Variants in UBL3 observed in about 807,000 individuals in gnomAD.
UBL3 encodes the protein ubiquitin like 3, also known as ubiquitin-like protein 3.
UBL3 carries 6 observed loss-of-function variants against 18.4 expected under a neutral mutation model. The observed-to-expected ratio is 0.33, with a 90% confidence interval of 0.18 to 0.64. The LOEUF is 0.64. Among genes scored for constraint, UBL3 ranks in the 30% least tolerant of loss-of-function variants. The pLI is 0.76. For missense variants in UBL3, 109 were observed against 142.9 expected, an observed-to-expected ratio of 0.76 and a Z score of 1.21; for synonymous variants, 49 against 46.6, an observed-to-expected ratio of 1.05 and a Z score of -0.21.
chr13:29,790,607 A>G lies in UBL3; in HGVS notation c.28-13344T>C, dbSNP rs1877456964. Among the ~76,000 whole-genome samples the G allele has an allele frequency of 2.6e-5, 4 of 152,156 alleles. No homozygotes were observed. In the South Asian group the frequency reaches 8.3e-4, roughly 32 times the overall value. ...AGAAAGGGGTTCTGACGTCAGGTAA[A>G]TCTACAAAACACTACTTTATATGTT... On this transcript the variant is annotated intron_variant, in intron 1 of 4. Coordinates refer to ENST00000380680, the MANE Select transcript of UBL3 (RefSeq NM_007106.4).
At chr13:29,836,822 T>TA (rs1462113497) in intron 1 of UBL3, among the ~76,000 whole-genome samples, 1 of 152,218 alleles carries the variant, frequency 6.6e-6, no homozygotes, top group Non-Finnish European at 1.5e-5. Context: ...TGCTGAATTG[T>TA]AAACAGCATG....
chr13:29,826,252 G>A (rs1225254235), intron 1 of UBL3, among the ~76,000 whole-genome samples: 1 of 152,148 alleles, frequency 6.6e-6, no homozygotes, highest in East Asian at 1.9e-4. Context: ...CTATTGATTG[G>A]AATAGTTTCA....
intron 1 of UBL3, among the ~76,000 whole-genome samples, chr13:29,789,950 T>C (rs1877439719): frequency 6.6e-6 from 1 of 152,194 alleles, no homozygotes; most frequent in Non-Finnish European, 1.5e-5. Context: ...GTCTTTAATA[T>C]TAGAATAAAA....
intron 1 of UBL3, among the ~76,000 whole-genome samples, chr13:29,842,799 A>G (rs770900460): frequency 2.0e-5 from 3 of 152,224 alleles, no homozygotes; most frequent in Non-Finnish European, 4.4e-5. Context: ...TCTGCAAAAC[A>G]TAACTAACAG....
Position 29,765,819 on chromosome 13 carries a change from C to T in UBL3, c.*1436G>A, listed in dbSNP as rs1376211497. On this transcript the variant is annotated 3_prime_UTR_variant, in exon 5 of 5. Transcript: ENST00000380680. ...AACAATGAATAAAATAACATGATTA[C>T]ATTTAAACAACGCTGACCATTTGAA... is the stretch of plus-strand genomic sequence containing the variant. 6.6e-6 allele frequency: 1 copy of T among 152,512 alleles called. No homozygotes were observed. The highest frequency in any genetic ancestry group is 1.9e-4 in the East Asian group (1 of 5,196). 9.4% of individuals were successfully genotyped at this position (152,512 alleles called of 1,614,324 possible). A position where few individuals can be genotyped will look rare whatever the true frequency, so the allele number is the denominator to read the frequency against.
rs926223874 is a variant in UBL3, at chr13:29,849,660, C to A, written c.-122G>T. 7.5e-7 allele frequency: 1 copy of A among 1,325,444 alleles called. No homozygotes were observed. The allele number at this position is 1,325,444 out of a possible 1,614,324, so 82.1% of individuals were successfully genotyped here. On this transcript the variant is annotated 5_prime_UTR_variant, in exon 1 of 5. Coordinates refer to ENST00000380680, the MANE Select transcript of UBL3 (RefSeq NM_007106.4). ...CTGGTTCGTGATGTGCTTTCTCCCC[C>A]AAAAATAAAGTTATTTTGGAGCCAA...
At position 29,850,518 on chromosome 13, in the gene UBL3, C is replaced by G. The variant is rs550775715; in HGVS notation, c.-980G>C. ...TCAGAGCTTTGTTTCTCCTCCTCCT[C>G]CTTCACTTTTCAGTCCCACACGCCG... On this transcript the variant is annotated 5_prime_UTR_variant, in exon 1 of 5. Coordinates refer to ENST00000380680, the MANE Select transcript of UBL3 (RefSeq NM_007106.4). The G allele has an allele frequency of 6.5e-6, 1 of 153,022 alleles. No homozygotes were observed. The highest frequency in any genetic ancestry group is 1.5e-5 in the Non-Finnish European group (1 of 68,720). 9.5% of individuals were successfully genotyped at this position (153,022 alleles called of 1,614,324 possible).
At chr13:29,776,327 AT>A (rs1876991879) in intron 2 of UBL3, among the ~76,000 whole-genome samples, 1 of 137,530 alleles carries the variant, frequency 7.3e-6, no homozygotes, top group Non-Finnish European at 1.5e-5. Flanking sequence ...TAGTGGTGTG[AT>A]AATTGCTCAT....
At chr13:29,828,351 C>T (rs1036298720) in intron 1 of UBL3, among the ~76,000 whole-genome samples, 4 of 152,144 alleles carry the variant, frequency 2.6e-5, no homozygotes, top group Admixed American at 1.3e-4. Flanking sequence ...CACATAGTCC[C>T]GTATTTCTTG....
intron 1 of UBL3, among the ~76,000 whole-genome samples, chr13:29,835,134 ATATATATATATATAT>A (rs1878912729): frequency 1.3e-4 from 1 of 7,422 alleles, no homozygotes; most frequent in Non-Finnish European, 2.4e-4. Context: ...AAATATATAT[ATATATATATATATAT>A]ATATATATAT....
At chr13:29,847,186 G>A (rs1349852378) in intron 1 of UBL3, among the ~76,000 whole-genome samples, 2 of 152,042 alleles carry the variant, frequency 1.3e-5, no homozygotes, top group African/African-American at 4.8e-5. Flanking sequence ...AGTAATAAAC[G>A]AACGTTTAAA....
rs570849158 is a variant in UBL3 at position 29,773,904 on chromosome 13, G to A, written c.137-1706C>T. Among the ~76,000 whole-genome samples, 3 of 152,164 alleles carry A rather than the reference G, an allele frequency of 2.0e-5. No homozygotes were observed. In the East Asian group the frequency reaches 5.8e-4, roughly 29 times the overall value. On this transcript the variant is annotated intron_variant, in intron 2 of 4. Coordinates refer to ENST00000380680, the MANE Select transcript of UBL3 (RefSeq NM_007106.4). ...AATTCCTTCAACAAGTATGTTGCAC[G>A]AAGTATTTTCTGCTATTAATATTTG...
intron 1 of UBL3, among the ~76,000 whole-genome samples, chr13:29,810,357 T>G (rs553710968): frequency 3.3e-5 from 5 of 151,886 alleles, no homozygotes; most frequent in Admixed American, 6.6e-5. Flanking sequence ...AAGAGAGAGA[T>G]AGAAGAGAGC....
At chr13:29,774,698 C>T (rs1876934507) in intron 2 of UBL3, among the ~76,000 whole-genome samples, 1 of 151,352 alleles carries the variant, frequency 6.6e-6, no homozygotes, top group Admixed American at 6.6e-5. Context: ...AAATTTAGGC[C>T]TATGAATCCA....
At position 29,784,286 on chromosome 13, in the gene UBL3, T is replaced by C. The variant is rs576029985; in HGVS notation, c.28-7023A>G. On this transcript the variant is annotated intron_variant, in intron 1 of 4. Transcript: ENST00000380680. The stretch of plus-strand genomic sequence containing the variant: ...ACTAGAATGGTCTTTGGATATAAAA[T>C]ATAATTACAGAGATGGACCATGCCC... Among the ~76,000 whole-genome samples, 3 of 152,274 alleles carry C rather than the reference T, an allele frequency of 2.0e-5. No individual in the cohort carries two copies. The South Asian group carries it at 6.2e-4, about 32-fold the overall frequency.
At chr13:29,839,581 G>T (rs1879042874) in intron 1 of UBL3, among the ~76,000 whole-genome samples, 1 of 152,118 alleles carries the variant, frequency 6.6e-6, no homozygotes, top group Non-Finnish European at 1.5e-5. Flanking sequence ...TTGAACGCAG[G>T]AGTTCAGAAA....
chr13:29,773,670 A>ACC (rs1876906067), intron 2 of UBL3, among the ~76,000 whole-genome samples: 1 of 152,108 alleles, frequency 6.6e-6, no homozygotes, highest in Admixed American at 6.6e-5. Flanking sequence ...CACTGGTGTA[A>ACC]TATGCTATCT....
chr13:29,790,633 T>C (rs1877457876), intron 1 of UBL3, among the ~76,000 whole-genome samples: 1 of 152,184 alleles, frequency 6.6e-6, no homozygotes, highest in Non-Finnish European at 1.5e-5. Flanking sequence ...TTTATATGTT[T>C]CCTTCTTGGA....
At chr13:29,837,375 CTAAAAT>C (rs1336708976) in intron 1 of UBL3, among the ~76,000 whole-genome samples, 1 of 151,604 alleles carries the variant, frequency 6.6e-6, no homozygotes, top group Admixed American at 6.6e-5. Flanking sequence ...AATACAAAAA[CTAAAAT>C]TAAAAACTCA....
Sources: allele counts gnomAD v4.1 joint callset (sites outside exome capture counted in the v4.1 genomes callset), GRCh38; gene constraint gnomAD v4.1.1; transcripts MANE v1.5; gene names NCBI Gene and HGNC (gene_info 2026-07-23, HGNC 2026-07-21).